The following PCDHGA1 variants were observed in gnomAD, a reference collection of about 807,000 sequenced individuals.
PCDHGA1 encodes the protein protocadherin gamma-A1.
PCDHGA1 carries 32 observed loss-of-function variants against 58.0 expected under a neutral mutation model. That is an observed-to-expected ratio of 0.55 (90% CI 0.42 to 0.74). The LOEUF (loss-of-function observed/expected upper bound fraction) is 0.74, where lower values mean the gene tolerates loss of function less well. Ranked by LOEUF, PCDHGA1 falls within the 30% of genes least tolerant of loss-of-function variation. The pLI, the probability that PCDHGA1 is intolerant of heterozygous loss-of-function variation, is 0.00. For missense variants in PCDHGA1, 1,205 were observed against 1,182.3 expected (o/e 1.02, Z -0.28); for synonymous variants, 498 against 501.1 (o/e 0.99, Z 0.08).
chr5:141,468,360 A>T (rs1249822461), intron 1 of PCDHGA1: 1 of 151,938 alleles, frequency 6.6e-6, no homozygotes, highest in East Asian at 1.9e-4. Flanking sequence ...GAAAGAAAAA[A>T]GAAATAACTC....
rs752954707 is a variant in PCDHGA1 at position 141,476,801 on chromosome 5, C to T, written c.2422-18006C>T. The T allele has an allele frequency of 6.2e-7, 1 of 1,613,586 alleles. No individual in the cohort carries two copies. Among genetic ancestry groups the T allele is most frequent in the Non-Finnish European group, 8.5e-7 (1 of 1,180,020 alleles). On this transcript the variant is annotated intron_variant, in intron 1 of 3. Coordinates refer to ENST00000517417, the MANE Select transcript of PCDHGA1 (RefSeq NM_018912.3). This position sits in a 1 kb window ranked among gnomAD's most constrained non-coding sequence, Gnocchi z 7.6. Reference sequence around the variant, plus strand: ...GACCCCAGCTCTCTCCGCCAGCCTGCCTATTCACATCAAGGTGCTGGACGC... The same window carrying T: ...GACCCCAGCTCTCTCCGCCAGCCTGTCTATTCACATCAAGGTGCTGGACGC...
At chr5:141,345,955 G>A in intron 1 of PCDHGA1, 1 of 1,613,622 alleles carries the variant, frequency 6.2e-7, no homozygotes, top group East Asian at 2.2e-5. Flanking sequence ...CTCAAGCAGA[G>A]CCTCGTGGTG....
chr5:141,345,391 C>G (rs753896758), intron 1 of PCDHGA1: 6 of 1,614,164 alleles, frequency 3.7e-6, no homozygotes, highest in Non-Finnish European at 5.1e-6. Flanking sequence ...CCCACCTTCC[C>G]TCATTTATCC....
At chr5:141,339,992 A>G (rs781674075) in intron 1 of PCDHGA1, 3 of 1,613,942 alleles carry the variant, frequency 1.9e-6, no homozygotes, top group Non-Finnish European at 2.5e-6. Context: ...TCTGGATGTG[A>G]ATGACAATGC....
At chr5:141,398,362 G>T (rs1422597239) in intron 1 of PCDHGA1, 5 of 1,413,346 alleles carry the variant, frequency 3.5e-6, no homozygotes, top group Admixed American at 1.9e-5. Context: ...CACCGTGAGC[G>T]CAGAGAGCGG....
intron 1 of PCDHGA1, chr5:141,385,452 G>A: frequency 6.9e-7 from 1 of 1,446,532 alleles, no homozygotes; most frequent in Non-Finnish European, 9.1e-7. Context: ...GAGTTTACCA[G>A]TTTCCTTCAG....
At chr5:141,361,701 T>C (rs376967719) in intron 1 of PCDHGA1, 149 of 1,613,218 alleles carry the variant, frequency 9.2e-5, no homozygotes, top group Non-Finnish European at 1.1e-4. Flanking sequence ...CCTTCGATCA[T>C]GAGCAGCTGC....
At chr5:141,433,693 C>T (rs772152724) in intron 1 of PCDHGA1, among the ~76,000 whole-genome samples, 2 of 151,986 alleles carry the variant, frequency 1.3e-5, no homozygotes, top group Admixed American at 6.6e-5. Flanking sequence ...CAAAATTAGC[C>T]GGGCGTGGTG....
rs1256790840 is a variant in PCDHGA1, at chr5:141,392,835, C to T, written c.2421+59730C>T. 8 of 1,608,038 alleles carry T rather than the reference C, an allele frequency of 5.0e-6. No individual in the cohort carries two copies. In the South Asian group the frequency reaches 5.5e-5, roughly 11 times the overall value. On this transcript the variant is annotated intron_variant, in intron 1 of 3. Coordinates refer to ENST00000517417, the MANE Select transcript of PCDHGA1 (RefSeq NM_018912.3). The stretch of plus-strand genomic sequence containing the variant: ...AACAATGGCCGCTCCACAGAGTCGC[C>T]CCAGACGCGGCGAGCTGATCCTGCT...
At chr5:141,375,779 G>C (rs749559180) in intron 1 of PCDHGA1, 1 of 1,614,176 alleles carries the variant, frequency 6.2e-7, no homozygotes, top group South Asian at 1.1e-5. Flanking sequence ...CCTGTACCCC[G>C]CCCTCCCCAC....
Position 141,332,838 on chromosome 5 carries a change from C to G in PCDHGA1, c.2154C>G (p.Arg718=), listed in dbSNP as rs770505750. 3 of 1,614,100 alleles carry G rather than the reference C, an allele frequency of 1.9e-6. No homozygotes were observed. The Admixed American group carries it at 5.0e-5, about 27-fold the overall frequency. ...VIVLLAHRLR[R]WHKSRLLQAS... The stretch of plus-strand genomic sequence containing the variant: ...TGCTGCTGGCGCACAGGCTGCGGCG[C>G]TGGCACAAGTCACGTCTGCTACAGG... Residue 718 remains arginine, a synonymous_variant, in exon 1 of 4, where the codon CGC becomes CGG. Transcript: ENST00000517417. The surrounding 1 kb of genome is among the most constrained non-coding windows in gnomAD (Gnocchi z 4.6).
Position 141,332,479 on chromosome 5 carries a change from G to A in PCDHGA1, c.1795G>A (p.Gly599Ser). 1 of 1,613,240 alleles carries A rather than the reference G, an allele frequency of 6.2e-7. No individual in the cohort carries two copies. The highest frequency in any genetic ancestry group is 8.5e-7 in the Non-Finnish European group (1 of 1,180,018). The change falls in exon 1 of 4, where the codon GGC (glycine) becomes AGC (serine). Residue 599 changes from glycine (G) to serine (S), a missense_variant. By Grantham distance (56) the Gly-to-Ser change is moderately conservative. Transcript: ENST00000517417. The surrounding 1 kb of genome is among the most constrained non-coding windows in gnomAD (Gnocchi z 4.6). ...TKVVAVDRDSGQNAWLSYRLL... is the reference protein window; with the variant it reads ...TKVVAVDRDSSQNAWLSYRLL... ...GGTGGTGGCGGTGGACAGAGACTCG[G>A]GCCAGAACGCCTGGCTGTCCTACCG...
chr5:141,349,712 T>G (rs895144903), intron 1 of PCDHGA1, among the ~76,000 whole-genome samples: 80 of 152,232 alleles, frequency 5.3e-4, no homozygotes, highest in Non-Finnish European at 1.5e-4. Context: ...CAACTAAAAA[T>G]ATAAATAAAA....
At position 141,354,371 on chromosome 5, in the gene PCDHGA1, C is replaced by CA. The variant is rs569846378; in HGVS notation, c.2421+21267dup. Among the ~76,000 whole-genome samples the CA allele has an allele frequency of 7.9e-4, 120 of 152,302 alleles. 1 individual carries two copies. Among genetic ancestry groups the CA allele is most frequent in the African/African-American group, 2.5e-3 (105 of 41,576 alleles). On this transcript the variant is annotated intron_variant, in intron 1 of 3. Coordinates refer to ENST00000517417, the MANE Select transcript of PCDHGA1 (RefSeq NM_018912.3). ...GAGAACACATTGTGAACAAGATAGTCATATGCATAGCTTGTGGCCAAGAAT... is the reference window on the plus strand; with the variant it reads ...GAGAACACATTGTGAACAAGATAGTCAATATGCATAGCTTGTGGCCAAGAAT...
rs1446853595 is a variant in PCDHGA1, at chr5:141,491,363, C to T, written c.2422-3444C>T. ...ACCGTCAGTCTCTTATCCCTAGTCA[C>T]CTTCACCTTTCTGTCAGCGAAGTGC... On this transcript the variant is annotated intron_variant, in intron 1 of 3. Coordinates refer to ENST00000517417, the MANE Select transcript of PCDHGA1 (RefSeq NM_018912.3). This position sits in a 1 kb window ranked among gnomAD's most constrained non-coding sequence, Gnocchi z 6.9. The T allele has an allele frequency of 6.2e-7, 1 of 1,614,182 alleles. No individual in the cohort carries two copies. Among genetic ancestry groups the T allele is most frequent in the South Asian group, 1.1e-5 (1 of 91,082 alleles).
At chr5:141,421,371 T>C in intron 1 of PCDHGA1, 2 of 1,614,028 alleles carry the variant, frequency 1.2e-6, no homozygotes, top group Non-Finnish European at 1.7e-6. Flanking sequence ...TCGTGGGCAA[T>C]ATCTCCAAGG....
At chr5:141,407,524 C>CT (rs2094949017) in intron 1 of PCDHGA1, among the ~76,000 whole-genome samples, 1 of 146,696 alleles carries the variant, frequency 6.8e-6, no homozygotes, top group Admixed American at 6.8e-5. Flanking sequence ...TAGGACTTAA[C>CT]TTATTGTGCA....
rs1756393929 is a variant in PCDHGA1, at chr5:141,332,191, GCCTA to G, written c.1511_1514del (p.Tyr504SerfsTer26). 1 of 1,614,050 alleles carries G rather than the reference GCCTA, an allele frequency of 6.2e-7. No individual in the cohort carries two copies. The highest frequency in any genetic ancestry group is 8.5e-7 in the Non-Finnish European group (1 of 1,180,052). ...CACTATCCAGGGGGCACCCCTATCT[GCCTA>G]CCTCTCCATCAACTCCGACACTGGG... On this transcript the variant is annotated frameshift_variant, in exon 1 of 4. Transcript: ENST00000517417. LOFTEE classifies it high-confidence loss of function. The surrounding 1 kb of genome is among the most constrained non-coding windows in gnomAD (Gnocchi z 4.6).
intron 1 of PCDHGA1, chr5:141,418,471 G>A (rs199547102): frequency 1.9e-6 from 3 of 1,614,002 alleles, no homozygotes; most frequent in South Asian, 2.2e-5. Flanking sequence ...ACCGAGAAAC[G>A]CAGAGCGCTC....
Sources: allele counts gnomAD v4.1 joint callset (sites outside exome capture counted in the v4.1 genomes callset), GRCh38; gene constraint gnomAD v4.1.1; non-coding constraint Gnocchi (gnomAD v3.1); transcripts MANE v1.5; gene names NCBI Gene and HGNC (gene_info 2026-07-23, HGNC 2026-07-21).